Variants in SENP6 observed in about 807,000 individuals in gnomAD.
SENP6 encodes SUMO specific peptidase 6, also known as sentrin-specific protease 6.
In SENP6, 41 loss-of-function variants were observed where a neutral mutation model predicts 134.5. The ratio of observed to expected loss-of-function variants is 0.30; its 90% CI spans 0.24 to 0.40. The LOEUF is 0.40. Among genes scored for constraint, SENP6 ranks in the 10% least tolerant of loss-of-function variants. SENP6 has a pLI of 1.00. For missense variants in SENP6, 1,248 were observed against 1,312.5 expected (o/e 0.95, Z 0.76); for synonymous variants, 395 against 429.8 (o/e 0.92, Z 1.00).
In SENP6 at chr6:75,675,923, G is replaced by A. The variant is rs1773054057; in HGVS notation, c.1490G>A (p.Cys497Tyr). The change falls in exon 13 of 24, where the codon TGT (cysteine) becomes TAT (tyrosine). Residue 497 changes from cysteine (C) to tyrosine (Y), a missense_variant. Physicochemically the swap from Cys to Tyr is radical, Grantham distance 194. Coordinates refer to ENST00000447266, the MANE Select transcript of SENP6 (RefSeq NM_015571.4). ...TCTGATCTAACTAAATGTGAATGGT[G>A]TAATGTCCGAAAATTACCTGTAGTG... ...NTSDLTKCEWCNVRKLPVVFL... is the reference protein window; with the variant it reads ...NTSDLTKCEWYNVRKLPVVFL... The A allele has an allele frequency of 1.9e-6, 3 of 1,612,398 alleles. No homozygotes were observed. Among genetic ancestry groups the A allele is most frequent in the South Asian group, 2.2e-5 (2 of 90,874 alleles).
At chr6:75,692,629 GAAAT>G (rs937946208) in intron 16 of SENP6, among the ~76,000 whole-genome samples, 15 of 151,954 alleles carry the variant, frequency 9.9e-5, no homozygotes, top group African/African-American at 3.4e-4. Context: ...TTATCTCAAA[GAAAT>G]AAATAAAGCA....
rs569500132 is a variant in SENP6 at position 75,689,464 on chromosome 6, A to G, written c.2076-6340A>G. ...TAAGTGTTGATGAGGATGTGGAGAA[A>G]TTGAAACTGTTATAAAATGGTGCTG... On this transcript the variant is annotated intron_variant, in intron 16 of 23. Transcript: ENST00000447266. 2.0e-5 allele frequency among the ~76,000 whole-genome samples: 3 copies of G among 152,308 alleles called. No homozygotes were observed. In the South Asian group the frequency reaches 6.2e-4, roughly 32 times the overall value.
At chr6:75,620,163 ATT>A (rs1768163185) in intron 1 of SENP6, among the ~76,000 whole-genome samples, 1 of 151,238 alleles carries the variant, frequency 6.6e-6, no homozygotes, top group Non-Finnish European at 1.5e-5. Context: ...TTTGATTTGC[ATT>A]TTTTAATGGT....
chr6:75,617,559 G>C (rs182589608), intron 1 of SENP6, among the ~76,000 whole-genome samples: 5 of 152,106 alleles, frequency 3.3e-5, no homozygotes, highest in East Asian at 3.9e-4. Context: ...ATTACAGGCA[G>C]GAGCCACTGT....
At chr6:75,606,389 C>T (rs1325822377) in intron 1 of SENP6, among the ~76,000 whole-genome samples, 1 of 152,112 alleles carries the variant, frequency 6.6e-6, no homozygotes, top group East Asian at 1.9e-4. Context: ...CCCTTTTCCA[C>T]TTATGATAGA....
chr6:75,663,179 A>T (rs1341253683), intron 8 of SENP6, 42 bp from the exon 9 acceptor site: 95 of 1,565,386 alleles, frequency 6.1e-5, no homozygotes, highest in Non-Finnish European at 8.2e-5. Flanking sequence ...GGAAAAAGAA[A>T]ATCAGACCAA....
intron 8 of SENP6, among the ~76,000 whole-genome samples, chr6:75,662,436 T>G (rs1771858760): frequency 6.6e-6 from 1 of 152,114 alleles, no homozygotes. Flanking sequence ...TGTCCAGGTT[T>G]AGTCAGTTTT....
At chr6:75,602,752 T>C (rs923597538) in intron 1 of SENP6, among the ~76,000 whole-genome samples, 176 bp downstream of exon 1, 1 of 152,080 alleles carries the variant, frequency 6.6e-6, no homozygotes, top group South Asian at 2.1e-4. Flanking sequence ...CGAGTCCGCC[T>C]AGGCGAGGGG....
intron 9 of SENP6, among the ~76,000 whole-genome samples, chr6:75,664,010 T>G (rs1771991844): frequency 6.6e-6 from 1 of 152,152 alleles, no homozygotes; most frequent in South Asian, 2.1e-4. Context: ...ACTGGTTGAC[T>G]AGAGTATACA....
intron 19 of SENP6, among the ~76,000 whole-genome samples, chr6:75,708,283 A>G (rs1300912289): frequency 1.3e-5 from 2 of 152,164 alleles, no homozygotes; most frequent in African/African-American, 2.4e-5. Context: ...TCTGGATTAT[A>G]TATCTTTTCA....
intron 10 of SENP6, among the ~76,000 whole-genome samples, chr6:75,668,388 G>T (rs1397279312): frequency 2.0e-5 from 3 of 152,010 alleles, no homozygotes. Context: ...AAAATAGTAA[G>T]CTATGTGACA....
chr6:75,656,164 A>T (rs937183785), intron 7 of SENP6, among the ~76,000 whole-genome samples: 3 of 149,064 alleles, frequency 2.0e-5, no homozygotes, highest in African/African-American at 7.4e-5. Flanking sequence ...GAGTGAGCCG[A>T]GATTGCGCCA....
At chr6:75,695,458 CG>C (rs2149894524) in intron 16 of SENP6, among the ~76,000 whole-genome samples, 1 of 152,180 alleles carries the variant, frequency 6.6e-6, no homozygotes, top group South Asian at 2.1e-4. Flanking sequence ...GAACTGTGGC[CG>C]GGCGCCATGG....
chr6:75,685,226 G>T (rs1773744189), intron 16 of SENP6, among the ~76,000 whole-genome samples: 1 of 152,148 alleles, frequency 6.6e-6, no homozygotes, highest in African/African-American at 2.4e-5. Flanking sequence ...ACTTCTGTGG[G>T]ATCAGTGGTG....
intron 1 of SENP6, 151 bp downstream of exon 1, chr6:75,602,727 C>T (rs1766725838): frequency 3.5e-6 from 3 of 866,530 alleles, no homozygotes; most frequent in African/African-American, 3.4e-5. Context: ...GAGTGTGCTG[C>T]GAGCGCACCT....
At chr6:75,628,337 C>G (rs1768856364) in intron 3 of SENP6, among the ~76,000 whole-genome samples, 1 of 152,172 alleles carries the variant, frequency 6.6e-6, no homozygotes, top group Non-Finnish European at 1.5e-5. Context: ...TTAAGTAGAA[C>G]TCCTGCTACT....
intron 22 of SENP6, 39 bp from the exon 23 acceptor site, chr6:75,713,634 TTA>T (rs1279641242): frequency 6.3e-7 from 1 of 1,589,406 alleles, no homozygotes. Context: ...CTATGTATAT[TTA>T]TATATGTGTG....
intron 18 of SENP6, 129 bp from the exon 19 acceptor site, chr6:75,702,516 C>A: frequency 1.1e-6 from 1 of 910,312 alleles, no homozygotes; most frequent in Non-Finnish European, 1.6e-6. Flanking sequence ...CTGCGCCCGG[C>A]CAGAATTAGG....
Position 75,663,341 on chromosome 6 carries a change from A to C in SENP6, c.817A>C (p.Lys273Gln). ...GTCACAAAACACAGGATTAACAACCAAGAAGTTTTATGGCAACAATGTGGA... is the reference window on the plus strand; with the variant it reads ...GTCACAAAACACAGGATTAACAACCCAGAAGTTTTATGGCAACAATGTGGA... ...QKSQNTGLTTKKFYGNNVEKV... is the reference protein window; with the variant it reads ...QKSQNTGLTTQKFYGNNVEKV... The change falls in exon 9 of 24, where the codon AAG (lysine) becomes CAG (glutamine). Residue 273 changes from lysine (K) to glutamine (Q), a missense_variant. This residue lies in a region of SENP6 where 733 missense variants were observed against 725.4 expected (regional missense o/e 1.01). Transcript: ENST00000447266. 6.2e-7 allele frequency: 1 copy of C among 1,613,872 alleles called. No homozygotes were observed. Among genetic ancestry groups the C allele is most frequent in the Non-Finnish European group, 8.5e-7 (1 of 1,179,874 alleles).
Sources: allele counts gnomAD v4.1 joint callset (sites outside exome capture counted in the v4.1 genomes callset), GRCh38; gene constraint gnomAD v4.1.1; regional missense constraint gnomAD v4.1.1; transcripts MANE v1.5; gene names NCBI Gene and HGNC (gene_info 2026-07-23, HGNC 2026-07-21).